Variants in FNBP1 observed in about 807,000 individuals in gnomAD.
FNBP1 encodes the protein formin-binding protein 1.
In FNBP1, 26 loss-of-function variants were observed where a neutral mutation model predicts 90.6. The ratio of observed to expected loss-of-function variants is 0.29; its 90% CI spans 0.21 to 0.40. The LOEUF is 0.40. FNBP1 is among the 10% of genes least tolerant of loss of function. The pLI is 1.00. For synonymous variants in FNBP1, 260 were observed against 265.2 expected, an observed-to-expected ratio of 0.98 and a Z score of 0.19; for missense variants, 635 against 768.0, an observed-to-expected ratio of 0.83 and a Z score of 2.05.
the FNBP1 span, among the ~76,000 whole-genome samples, chr9:130,052,831 C>G: frequency 6.6e-6 from 1 of 152,062 alleles, no homozygotes; most frequent in East Asian, 1.9e-4. Context: ...TACTCCAAAG[C>G]AGGTTGGGCG....
In FNBP1 at chr9:129,910,504, A is replaced by AAAAAAAAAG. The variant is rs1298095363; in HGVS notation, c.1186-1506_1186-1505insCTTTTTTTT. Among the ~76,000 whole-genome samples, 58 of 104,092 alleles carry AAAAAAAAAG rather than the reference A, an allele frequency of 5.6e-4. 9 individuals carry two copies. The highest frequency in any genetic ancestry group is 1.1e-3 in the Admixed American group (8 of 7,184). The allele number at this position is 104,092 out of a possible 152,430, so 68.3% of individuals were successfully genotyped here. On this transcript the variant is annotated intron_variant, in intron 11 of 16. Coordinates refer to ENST00000446176, the MANE Select transcript of FNBP1 (RefSeq NM_015033.3). ...CTCAAAAAAACAAAAAAAAAAAAAA[A>AAAAAAAAAG]AGAGAGAGAGAAATTTCTTCAAATA...
At chr9:129,892,366 G>GAC (rs3138855) in intron 16 of FNBP1, among the ~76,000 whole-genome samples, 1,398 of 103,456 alleles carry the variant, frequency 0.014, 35 homozygotes, top group African/African-American at 0.046. Flanking sequence ...GCACATCGTA[G>GAC]ACACACACAC....
intron 11 of FNBP1, 34 bp from the exon 12 acceptor site, chr9:129,909,033 G>A (rs1264717821): frequency 6.7e-7 from 1 of 1,486,508 alleles, no homozygotes; most frequent in South Asian, 1.1e-5. Context: ...AAACCAGAAA[G>A]CCCCAGGCTT....
At chr9:130,018,403 C>T (rs2057471584) in intron 1 of FNBP1, among the ~76,000 whole-genome samples, 1 of 152,050 alleles carries the variant, frequency 6.6e-6, no homozygotes, top group Non-Finnish European at 1.5e-5. Flanking sequence ...AGTGACTTCA[C>T]CCCTACTAGT....
intron 12 of FNBP1, among the ~76,000 whole-genome samples, chr9:129,905,294 G>GTATA (rs56217495): frequency 0.025 from 3,281 of 132,304 alleles, 56 homozygotes; most frequent in South Asian, 0.056. Context: ...GTGTGTGTGT[G>GTATA]TATATATATA....
At chr9:129,939,281 T>C (rs551813042) in intron 6 of FNBP1, among the ~76,000 whole-genome samples, 10 of 149,026 alleles carry the variant, frequency 6.7e-5, no homozygotes, top group Non-Finnish European at 1.0e-4. Flanking sequence ...CCCAGATACT[T>C]GGGAGGCTGA....
At chr9:129,955,100 A>C (rs2132713535) in intron 6 of FNBP1, among the ~76,000 whole-genome samples, 1 of 152,352 alleles carries the variant, frequency 6.6e-6, no homozygotes, top group African/African-American at 2.4e-5. Flanking sequence ...AACAGAGGGC[A>C]TAACCAGCAG....
chr9:129,937,546 C>G (rs1439420786), intron 6 of FNBP1, among the ~76,000 whole-genome samples: 1 of 150,394 alleles, frequency 6.6e-6, no homozygotes, highest in African/African-American at 2.4e-5. Flanking sequence ...GCCTGGCCAA[C>G]ACAGTGAAAC....
intron 4 of FNBP1, among the ~76,000 whole-genome samples, chr9:129,967,968 A>G (rs2048870497): frequency 6.6e-6 from 1 of 151,038 alleles, no homozygotes; most frequent in Non-Finnish European, 1.5e-5. Context: ...TCAGCCTTTC[A>G]GGTAGCTGGA....
intron 1 of FNBP1, among the ~76,000 whole-genome samples, chr9:129,999,119 A>G (rs1187252275): frequency 6.6e-6 from 1 of 152,090 alleles, no homozygotes; most frequent in Non-Finnish European, 1.5e-5. Context: ...CTTGACTAAA[A>G]TGTGGAAAAG....
intron 10 of FNBP1, among the ~76,000 whole-genome samples, chr9:129,921,633 G>A (rs1001487481): frequency 2.0e-5 from 3 of 152,024 alleles, no homozygotes; most frequent in East Asian, 3.9e-4. Flanking sequence ...GGCTGGTCTC[G>A]AACTCCTGAC....
chr9:130,040,654 A>T (rs2059744528), intron 1 of FNBP1, among the ~76,000 whole-genome samples: 2 of 150,460 alleles, frequency 1.3e-5, no homozygotes, highest in Non-Finnish European at 3.0e-5. Context: ...ATGTCTTTTT[A>T]AAAACTCCTC....
In FNBP1 at chr9:129,895,865, C is replaced by T. The variant is rs1328808474; in HGVS notation, c.1819G>A (p.Glu607Lys). 5.6e-6 allele frequency: 9 copies of T among 1,611,854 alleles called. No individual in the cohort carries two copies. The highest frequency in any genetic ancestry group is 3.4e-5 in the Admixed American group (2 of 59,660). ...EEGYVPTSYVEVCLDKNAKDS is the reference protein window; with the variant it reads ...EEGYVPTSYVKVCLDKNAKDS ...TTGGCATTTTTGTCCAAACAGACTT[C>T]GACATATGAAGTGGGGACATAACCC... The change falls in exon 16 of 17, where the codon GAA becomes AAA. Residue 607 changes from glutamate (E) to lysine (K), a missense_variant. Transcript: ENST00000446176.
intron 1 of FNBP1, among the ~76,000 whole-genome samples, chr9:129,998,225 C>T (rs113374913): frequency 0.035 from 4,921 of 140,778 alleles, 172 homozygotes; most frequent in African/African-American, 0.082. Flanking sequence ...AAAAAATGGC[C>T]GGGCGCGGTG....
intron 16 of FNBP1, chr9:129,895,229 G>A (rs1588335198): frequency 9.6e-7 from 1 of 1,041,220 alleles, no homozygotes; most frequent in Admixed American, 5.4e-5. Context: ...CCCTACCAAG[G>A]ATGCTGACCA....
the FNBP1 span, among the ~76,000 whole-genome samples, chr9:130,048,491 C>CTTTTTTTTTT: frequency 0.053 from 5,571 of 104,654 alleles, 613 homozygotes; most frequent in East Asian, 0.09. Context: ...CCTCAGTTTC[C>CTTTTTTTTTT]TTTTTTTTTT....
At chr9:129,947,185 A>G (rs2045423712) in intron 6 of FNBP1, among the ~76,000 whole-genome samples, 1 of 152,204 alleles carries the variant, frequency 6.6e-6, no homozygotes, top group African/African-American at 2.4e-5. Flanking sequence ...TCACGCCTGT[A>G]ATCCCAGCAC....
chr9:130,048,154 T>C (rs946808944), upstream of FNBP1, among the ~76,000 whole-genome samples: 4 of 109,206 alleles, frequency 3.7e-5, no homozygotes, highest in African/African-American at 1.2e-4. Context: ...AACCCATGTC[T>C]ACTAAAAATA....
Position 130,029,800 on chromosome 9 carries a change from A to G in FNBP1, c.24+13152T>C, listed in dbSNP as rs144412061. 2.6e-3 allele frequency among the ~76,000 whole-genome samples: 389 copies of G among 151,970 alleles called. 2 individuals are homozygous for G. Among genetic ancestry groups the G allele is most frequent in the Non-Finnish European group, 4.3e-3 (294 of 67,958 alleles). ...GGAGTTCAAGACCAGCCTGGGTGAC[A>G]TAGCGAGACAACATCTCTACAAAAA... is the stretch of plus-strand genomic sequence containing the variant. On this transcript the variant is annotated intron_variant, in intron 1 of 16. Coordinates refer to ENST00000446176, the MANE Select transcript of FNBP1 (RefSeq NM_015033.3).
Sources: allele counts gnomAD v4.1 joint callset (sites outside exome capture counted in the v4.1 genomes callset), GRCh38; gene constraint gnomAD v4.1.1; transcripts MANE v1.5; gene names NCBI Gene and HGNC (gene_info 2026-07-23, HGNC 2026-07-21).